Variants in CIAO2A observed in about 807,000 individuals in gnomAD.
CIAO2A encodes MIP18 family protein FAM96A.
CIAO2A carries 17 observed loss-of-function variants against 22.4 expected under a neutral mutation model. That is an observed-to-expected ratio of 0.76 (90% CI 0.52 to 1.14). The LOEUF is 1.14. Among genes scored for constraint, CIAO2A ranks in the 50% most tolerant of loss-of-function variants. The pLI, the probability that CIAO2A is intolerant of heterozygous loss-of-function variation, is 0.00. For synonymous variants in CIAO2A, 74 were observed against 72.3 expected, an observed-to-expected ratio of 1.02 and a Z score of -0.12; for missense variants, 192 against 191.4, an observed-to-expected ratio of 1.00 and a Z score of -0.02.
intron 1 of CIAO2A, among the ~76,000 whole-genome samples, chr15:64,092,850 A>G (rs1297175829): frequency 6.6e-6 from 1 of 152,240 alleles, no homozygotes; most frequent in African/African-American, 2.4e-5. Context: ...ATACAACATA[A>G]TTAAAAAAAC....
chr15:64,081,081 AC>A lies in CIAO2A; in HGVS notation c.339+20del, dbSNP rs766588311. On this transcript the variant is annotated intron_variant, in intron 3 of 4. Coordinates refer to ENST00000300030, the MANE Select transcript of CIAO2A (RefSeq NM_032231.7). ...AAGCTGTTTTACAACAACAACAACAACAAAAATACATCTTTCTTACCTTATG... is the reference window on the plus strand; with the variant it reads ...AAGCTGTTTTACAACAACAACAACAAAAAAATACATCTTTCTTACCTTATG... 3.1e-6 allele frequency: 5 copies of A among 1,609,558 alleles called. No homozygotes were observed. The highest frequency in any genetic ancestry group is 1.1e-5 in the South Asian group (1 of 90,294).
chr15:64,081,883 G>A (rs186171063), intron 2 of CIAO2A, among the ~76,000 whole-genome samples: 20 of 151,870 alleles, frequency 1.3e-4, no homozygotes, highest in African/African-American at 1.9e-4. Context: ...GCCAGGACAC[G>A]CAAAAAAATA....
At chr15:64,077,414 A>G (rs143620733) in intron 3 of CIAO2A, among the ~76,000 whole-genome samples, 1,660 of 152,366 alleles carry the variant, frequency 0.011, 30 homozygotes, top group African/African-American at 0.03. Context: ...TCAGTTTAAA[A>G]TTACACAGGA....
chr15:64,079,131 T>C (rs1335230146), intron 3 of CIAO2A, among the ~76,000 whole-genome samples: 1 of 148,596 alleles, frequency 6.7e-6, no homozygotes, highest in Non-Finnish European at 1.5e-5. Flanking sequence ...GAAAGGTGAA[T>C]ACAAAAAATA....
intron 3 of CIAO2A, among the ~76,000 whole-genome samples, chr15:64,079,992 G>C (rs1174197714): frequency 1.3e-5 from 2 of 152,142 alleles, no homozygotes; most frequent in Non-Finnish European, 2.9e-5. Context: ...TTTAAAATGG[G>C]CAAAGGATCT....
At position 64,088,805 on chromosome 15, in the gene CIAO2A, T is replaced by C; in HGVS notation, c.171A>G (p.Glu57=). 6.2e-7 allele frequency: 1 copy of C among 1,614,082 alleles called. No homozygotes were observed. Among genetic ancestry groups the C allele is most frequent in the Non-Finnish European group, 8.5e-7 (1 of 1,179,992 alleles). ...IRDPEKPNTL[E]ELEVVSESCV... ...AACTTTCCGAGACCACTTCCAGTTC[T>C]TCTAAAGTATTGGGCTTTTCTGGGT... Residue 57 remains glutamate, a synonymous_variant, in exon 2 of 5, where the codon GAA becomes GAG. Coordinates refer to ENST00000300030, the MANE Select transcript of CIAO2A (RefSeq NM_032231.7).
At chr15:64,085,319 T>C (rs2080785651) in intron 2 of CIAO2A, among the ~76,000 whole-genome samples, 1 of 152,020 alleles carries the variant, frequency 6.6e-6, no homozygotes, top group Non-Finnish European at 1.5e-5. Context: ...AGCCCAGGAA[T>C]TTGAGACCAG....
chr15:64,086,866 G>A (rs1056098852), intron 2 of CIAO2A, among the ~76,000 whole-genome samples: 36 of 151,828 alleles, frequency 2.4e-4, no homozygotes, highest in Non-Finnish European at 5.2e-4. Flanking sequence ...CACTGCCTTG[G>A]CCTCCCAAAG....
intron 2 of CIAO2A, among the ~76,000 whole-genome samples, chr15:64,086,419 T>A (rs2080795410): frequency 6.6e-6 from 1 of 151,788 alleles, no homozygotes. Context: ...GCTCAAAAAA[T>A]AAATAAATAA....
At chr15:64,087,725 A>C (rs1414650655) in intron 2 of CIAO2A, among the ~76,000 whole-genome samples, 1 of 152,246 alleles carries the variant, frequency 6.6e-6, no homozygotes, top group Admixed American at 6.5e-5. Context: ...GTTGCTTTTT[A>C]ATAGGTGAGA....
At chr15:64,080,856 C>G (rs527435098) in intron 3 of CIAO2A, among the ~76,000 whole-genome samples, 1 of 152,226 alleles carries the variant, frequency 6.6e-6, no homozygotes, top group East Asian at 1.9e-4. Context: ...CCGGGCGATT[C>G]CACTCACAGG....
rs756163487 is a variant in CIAO2A at position 64,081,161 on chromosome 15, G to GA, written c.290-11dup. 7 of 1,609,500 alleles carry GA rather than the reference G, an allele frequency of 4.3e-6. No individual in the cohort carries two copies. Among genetic ancestry groups the GA allele is most frequent in the Admixed American group, 3.4e-5 (2 of 59,348 alleles). On this transcript the variant is annotated splice_polypyrimidine_tract_variant and intron_variant, in intron 2 of 4. Coordinates refer to ENST00000300030, the MANE Select transcript of CIAO2A (RefSeq NM_032231.7). The stretch of plus-strand genomic sequence containing the variant: ...ACTCTTAAGCACAGCCCTGTGGAGG[G>GA]AAAATCACACCTCCAATTATCTCTT...
chr15:64,073,379 G>C (rs745657483), intron 4 of CIAO2A, among the ~76,000 whole-genome samples: 3 of 152,038 alleles, frequency 2.0e-5, no homozygotes, highest in Non-Finnish European at 4.4e-5. Flanking sequence ...AAAGTCTTAA[G>C]TGTTCTAAAG....
At chr15:64,087,194 C>T (rs2080804612) in intron 2 of CIAO2A, among the ~76,000 whole-genome samples, 2 of 150,312 alleles carry the variant, frequency 1.3e-5, no homozygotes, top group South Asian at 4.2e-4. Flanking sequence ...CGGGTTCACG[C>T]CATTCTCCTG....
intron 2 of CIAO2A, among the ~76,000 whole-genome samples, chr15:64,087,937 T>C (rs1472877438): frequency 6.6e-6 from 1 of 152,194 alleles, no homozygotes; most frequent in Non-Finnish European, 1.5e-5. Context: ...GATAGCAAAA[T>C]GATACTTGCT....
chr15:64,089,962 C>G (rs779182687), intron 1 of CIAO2A, among the ~76,000 whole-genome samples: 9 of 152,166 alleles, frequency 5.9e-5, no homozygotes, highest in Non-Finnish European at 1.3e-4. Flanking sequence ...AAAACAGCAT[C>G]AAAGCTAGAG....
chr15:64,080,313 T>C (rs550661457), intron 3 of CIAO2A, among the ~76,000 whole-genome samples: 2 of 152,072 alleles, frequency 1.3e-5, no homozygotes, highest in South Asian at 4.1e-4. Context: ...GCTTGAACCC[T>C]GGAGGCGGAG....
Position 64,087,324 on chromosome 15 carries a change from C to T in CIAO2A, c.289+1363G>A, listed in dbSNP as rs149806299. On this transcript the variant is annotated intron_variant, in intron 2 of 4. Transcript: ENST00000300030. ...CCCAGGATGGTCTCCATCTCCTGAC[C>T]TCGTGATCTGCCCGCCTCGGCCACC... Among the ~76,000 whole-genome samples the T allele has an allele frequency of 4.5e-3, 685 of 152,122 alleles. 5 individuals carry two copies. Among genetic ancestry groups the T allele is most frequent in the African/African-American group, 0.015 (637 of 41,504 alleles).
chr15:64,093,426 G>A (rs2080859839), intron 1 of CIAO2A, among the ~76,000 whole-genome samples: 1 of 151,966 alleles, frequency 6.6e-6, no homozygotes, highest in South Asian at 2.1e-4. Context: ...GGTTTACGAA[G>A]AGCCCAGTTC....
Sources: allele counts gnomAD v4.1 joint callset (sites outside exome capture counted in the v4.1 genomes callset), GRCh38; gene constraint gnomAD v4.1.1; transcripts MANE v1.5; gene names NCBI Gene and HGNC (gene_info 2026-07-23, HGNC 2026-07-21).